Variants in SUGCT observed in about 807,000 individuals in gnomAD.
The protein encoded by SUGCT is succinyl-CoA:glutarate-CoA transferase, also known as succinyl-CoA:glutarate CoA-transferase.
In SUGCT, 41 loss-of-function variants were observed where a neutral mutation model predicts 55.0. The ratio of observed to expected loss-of-function variants is 0.74; its 90% CI spans 0.58 to 0.97. SUGCT has a LOEUF of 0.97. SUGCT is among the 50% of genes least tolerant of loss of function. SUGCT has a pLI of 0.00. For synonymous variants in SUGCT, 187 were observed against 200.4 expected (o/e 0.93, Z 0.56); for missense variants, 568 against 547.8 (o/e 1.04, Z -0.37).
chr7:40,167,733 AGC>A (rs1784486016), intron 1 of SUGCT, among the ~76,000 whole-genome samples: 1 of 152,196 alleles, frequency 6.6e-6, no homozygotes, highest in Admixed American at 6.5e-5. Context: ...CCCAGTCGAG[AGC>A]GGCAATGGGT....
Position 40,412,848 on chromosome 7 carries a change from G to A in SUGCT, c.817-36439G>A, listed in dbSNP as rs539342562. 2.6e-5 allele frequency among the ~76,000 whole-genome samples: 4 copies of A among 152,156 alleles called. No homozygotes were observed. The East Asian group carries it at 7.7e-4, about 29-fold the overall frequency. ...TTTCTCTGTTTGGAGGGTCCAGAGA[G>A]TTTTCTTTAATATATGAGAGGATAA... is the stretch of plus-strand genomic sequence containing the variant. On this transcript the variant is annotated intron_variant, in intron 9 of 13. Coordinates refer to ENST00000335693, the MANE Select transcript of SUGCT (RefSeq NM_001193313.2).
chr7:40,568,854 G>A (rs539948973), intron 12 of SUGCT, among the ~76,000 whole-genome samples: 1 of 152,326 alleles, frequency 6.6e-6, no homozygotes, highest in East Asian at 1.9e-4. Context: ...GAGCAACATT[G>A]AAGCTAAGAG....
At chr7:40,574,931 G>T (rs1796644223) in intron 12 of SUGCT, among the ~76,000 whole-genome samples, 1 of 152,146 alleles carries the variant, frequency 6.6e-6, no homozygotes, top group Non-Finnish European at 1.5e-5. Flanking sequence ...CAGAAAGAGG[G>T]CACATCTTTT....
At chr7:40,249,336 T>G (rs1050710037) in intron 7 of SUGCT, among the ~76,000 whole-genome samples, 3 of 124,802 alleles carry the variant, frequency 2.4e-5, no homozygotes, top group Non-Finnish European at 3.4e-5. Flanking sequence ...TATATATATA[T>G]ATATATATAT....
rs780811154 is a variant in SUGCT, at chr7:40,838,430, ATTTCT to A, written c.1154-21882_1154-21878del. Among the ~76,000 whole-genome samples the A allele has an allele frequency of 5.9e-5, 9 of 152,212 alleles. No homozygotes were observed. The East Asian group carries it at 1.4e-3, about 23-fold the overall frequency. Reference sequence around the variant, plus strand: ...TCTCCATTTACTTAGGTCTTCTATGATTTCTTTTATCAGCATTTTGTAATGTTCAG... The same window carrying A: ...TCTCCATTTACTTAGGTCTTCTATGATTTATCAGCATTTTGTAATGTTCAG... On this transcript the variant is annotated intron_variant, in intron 13 of 13. Transcript: ENST00000335693.
intron 13 of SUGCT, among the ~76,000 whole-genome samples, chr7:40,827,838 G>C (rs1242801645): frequency 1.3e-5 from 2 of 151,868 alleles, no homozygotes; most frequent in African/African-American, 2.4e-5. Context: ...CCCACACCAT[G>C]GAAACCATCC....
At chr7:40,796,029 T>G (rs1790536368) in intron 13 of SUGCT, among the ~76,000 whole-genome samples, 1 of 152,212 alleles carries the variant, frequency 6.6e-6, no homozygotes, top group African/African-American at 2.4e-5. Context: ...TTCTTTCTTT[T>G]TAAACACTCT....
intron 7 of SUGCT, among the ~76,000 whole-genome samples, chr7:40,240,975 A>C (rs1562603106): frequency 1.3e-5 from 2 of 152,172 alleles, no homozygotes; most frequent in Non-Finnish European, 2.9e-5. Flanking sequence ...TTGAAGAGCC[A>C]AAAGAAGGGC....
chr7:40,598,584 A>C (rs1798140338), intron 12 of SUGCT, among the ~76,000 whole-genome samples: 1 of 152,258 alleles, frequency 6.6e-6, no homozygotes, highest in Non-Finnish European at 1.5e-5. Flanking sequence ...CTGTTCACGT[A>C]GACATGAAAT....
intron 12 of SUGCT, among the ~76,000 whole-genome samples, chr7:40,505,430 T>G (rs1417492110): frequency 6.6e-6 from 1 of 152,138 alleles, no homozygotes; most frequent in Non-Finnish European, 1.5e-5. Context: ...TTTTTACCCC[T>G]CTGCTGCCAC....
intron 12 of SUGCT, among the ~76,000 whole-genome samples, chr7:40,735,847 A>G (rs1379485082): frequency 6.6e-6 from 1 of 152,128 alleles, no homozygotes; most frequent in African/African-American, 2.4e-5. Flanking sequence ...CTATCTACAA[A>G]TCTACTGTCC....
chr7:40,648,297 T>G (rs1003483883), intron 12 of SUGCT, among the ~76,000 whole-genome samples: 1 of 152,234 alleles, frequency 6.6e-6, no homozygotes, highest in African/African-American at 2.4e-5. Context: ...AATTTTAGTT[T>G]TATCACATCA....
chr7:40,875,470 CT>C, the SUGCT span, among the ~76,000 whole-genome samples: 1 of 152,144 alleles, frequency 6.6e-6, no homozygotes, highest in South Asian at 2.1e-4. Context: ...CCATTCCAGG[CT>C]AATTCCTATA....
rs927192383 is a variant in SUGCT, at chr7:40,631,828, C to T, written c.1090-117606C>T. 2.0e-5 allele frequency among the ~76,000 whole-genome samples: 3 copies of T among 152,258 alleles called. No homozygotes were observed. The East Asian group carries it at 5.8e-4, about 29-fold the overall frequency. On this transcript the variant is annotated intron_variant, in intron 12 of 13. Transcript: ENST00000335693. ...GCTAGAAGACCACTGAGTTGATATT[C>T]CCGTGGTCATGAACAGGCTCCTATC...
chr7:40,703,106 C>T (rs367815489), intron 12 of SUGCT, among the ~76,000 whole-genome samples: 28 of 148,798 alleles, frequency 1.9e-4, no homozygotes, highest in East Asian at 1.8e-3. Context: ...CTCTTGTTGC[C>T]CAGGCTGGAG....
the SUGCT span, among the ~76,000 whole-genome samples, chr7:40,974,050 A>C: frequency 6.6e-6 from 1 of 152,236 alleles, no homozygotes; most frequent in East Asian, 1.9e-4. Flanking sequence ...TTTCAGAGAA[A>C]GAATTCTGGC....
chr7:40,965,118 G>A, the SUGCT span: 2 of 152,324 alleles, frequency 1.3e-5, no homozygotes, highest in African/African-American at 4.8e-5. Flanking sequence ...CTCCTGTTAA[G>A]TTCAGTGTGT....
intron 12 of SUGCT, among the ~76,000 whole-genome samples, chr7:40,502,321 A>G (rs1017257958): frequency 2.0e-5 from 3 of 152,096 alleles, no homozygotes; most frequent in Admixed American, 2.0e-4. Context: ...AATTAAAATC[A>G]AGAAAACTGA....
Position 40,423,860 on chromosome 7 carries a change from A to G in SUGCT, c.817-25427A>G, listed in dbSNP as rs1787443168. On this transcript the variant is annotated intron_variant, in intron 9 of 13. Transcript: ENST00000335693. Reference sequence around the variant, plus strand: ...AGGGGTTTATTTGGAATTAAGGTTTATCATAAACTTTATGATATTTAAAAC... The same window carrying G: ...AGGGGTTTATTTGGAATTAAGGTTTGTCATAAACTTTATGATATTTAAAAC... Among the ~76,000 whole-genome samples, 2 of 152,158 alleles carry G rather than the reference A, an allele frequency of 1.3e-5. 1 individual carries two copies. The highest frequency in any genetic ancestry group is 4.1e-4 in the South Asian group (2 of 4,830).
Sources: gnomAD v4.1 joint callset for allele counts (sites outside exome capture counted in the v4.1 genomes callset) on GRCh38, gnomAD v4.1.1 for gene constraint, MANE v1.5 for transcripts, NCBI Gene and HGNC (gene_info 2026-07-23, HGNC 2026-07-21) for gene names.